ENPP1: variants seen among roughly 807,000 people sequenced by gnomAD.
ENPP1 encodes the protein ectonucleotide pyrophosphatase/phosphodiesterase family member 1.
A neutral mutation model predicts 122.8 loss-of-function variants in ENPP1; 73 were observed. The observed-to-expected ratio is 0.59, with a 90% confidence interval of 0.49 to 0.72. ENPP1 has a LOEUF of 0.72. Ranked by LOEUF, ENPP1 falls within the 30% of genes least tolerant of loss-of-function variation. The probability of loss-of-function intolerance (pLI) is 0.00; values close to 1 mark genes in which losing one functional copy is unlikely to be tolerated. For missense variants in ENPP1, 978 were observed against 1,128.1 expected (o/e 0.87, Z 1.91); for synonymous variants, 367 against 391.6 (o/e 0.94, Z 0.74).
rs557182349 is a variant in ENPP1 at position 131,869,235 on chromosome 6, A to G, written c.1274-123A>G. 9.9e-4 allele frequency: 868 copies of G among 878,648 alleles called. 14 individuals carry two copies. In the South Asian group the frequency reaches 0.012, roughly 12 times the overall value. 54.4% of individuals were successfully genotyped at this position (878,648 alleles called of 1,614,324 possible). On this transcript the variant is annotated intron_variant, in intron 12 of 24. Transcript: ENST00000647893. The stretch of plus-strand genomic sequence containing the variant: ...TTCTGTCTTACCTATCAGATCTTCA[A>G]CTAATATGAGTGCTACACCCATGTT...
rs1433238015 is a variant in ENPP1 at position 131,893,406 on chromosome 6, T to C, written c.*2895T>C. 1 of 152,256 alleles carries C rather than the reference T, an allele frequency of 6.6e-6. No homozygotes were observed. The highest frequency in any genetic ancestry group is 1.5e-5 in the Non-Finnish European group (1 of 68,060). The allele number at this position is 152,256 out of a possible 1,614,324, so 9.4% of individuals were successfully genotyped here. A position where few individuals can be genotyped will look rare whatever the true frequency, so the allele number is the denominator to read the frequency against. On this transcript the variant is annotated 3_prime_UTR_variant, in exon 25 of 25. Coordinates refer to ENST00000647893, the MANE Select transcript of ENPP1 (RefSeq NM_006208.3). ...AGAGACACTGGATGCTTCTTGGTAG[T>C]AGAGGCAGTGGCTTCCCAGCCTTGG...
intron 1 of ENPP1, among the ~76,000 whole-genome samples, chr6:131,815,797 C>T (rs572220141): frequency 5.3e-5 from 8 of 151,720 alleles, no homozygotes; most frequent in South Asian, 2.1e-4. Flanking sequence ...GTCTGCCTCC[C>T]GGGTTCAAGT....
chr6:131,872,885 G>A (rs1398636814), intron 14 of ENPP1, 38 bp from the exon 15 acceptor site: 1 of 1,608,560 alleles, frequency 6.2e-7, no homozygotes, highest in Admixed American at 1.7e-5. Context: ...TTAGATATTA[G>A]GGAAATAATA....
chr6:131,883,707 T>G lies in ENPP1; in HGVS notation c.2244T>G (p.Asn748Lys). The change falls in exon 22 of 25, where the codon AAT (asparagine) becomes AAG (lysine). Residue 748 changes from asparagine (N) to lysine (K), a missense_variant. Asn to Lys is a moderately conservative substitution (Grantham distance 94). Coordinates refer to ENST00000647893, the MANE Select transcript of ENPP1 (RefSeq NM_006208.3). Reference protein sequence around the residue: ...GFLSPPQLNKNSSGIYSEALL... With the variant: ...GFLSPPQLNKKSSGIYSEALL... ...TTCTCTTTGTAGAACTAAATAAAAA[T>G]TCAAGTGGAATATATTCTGAAGCTT... The G allele has an allele frequency of 6.9e-7, 1 of 1,459,192 alleles. No individual in the cohort carries two copies. The highest frequency in any genetic ancestry group is 9.6e-7 in the Non-Finnish European group (1 of 1,039,940). The allele number at this position is 1,459,192 out of a possible 1,614,324, so 90.4% of individuals were successfully genotyped here.
intron 5 of ENPP1, 64 bp from the exon 6 acceptor site, chr6:131,854,862 A>G (rs962049279): frequency 9.8e-6 from 11 of 1,123,354 alleles, no homozygotes; most frequent in Non-Finnish European, 1.4e-5. Context: ...AAGGGGGTAC[A>G]TCTTCATTGG....
chr6:131,867,462 T>C (rs1395579761), intron 11 of ENPP1, among the ~76,000 whole-genome samples: 1 of 152,340 alleles, frequency 6.6e-6, no homozygotes, highest in East Asian at 1.9e-4. Context: ...TATATTCCTA[T>C]GAGTTCTAAT....
intron 1 of ENPP1, among the ~76,000 whole-genome samples, chr6:131,845,043 G>GTTTTTTTTTT (rs142380855): frequency 7.1e-5 from 6 of 84,986 alleles, no homozygotes; most frequent in African/African-American, 1.5e-4. Context: ...ATTCTTCATG[G>GTTTTTTTTTT]TTTTTTTTTT....
intron 20 of ENPP1, 99 bp from the exon 21 acceptor site, chr6:131,882,246 C>A: frequency 1.0e-6 from 1 of 997,998 alleles, no homozygotes; most frequent in Non-Finnish European, 1.5e-6. Flanking sequence ...ACAGCTAGAG[C>A]TTCATAATTT....
intron 24 of ENPP1, among the ~76,000 whole-genome samples, chr6:131,890,135 T>G (rs1782447208): frequency 6.6e-6 from 1 of 152,180 alleles, no homozygotes; most frequent in Non-Finnish European, 1.5e-5. Flanking sequence ...TTCCCCAAAC[T>G]TGAAGCATCT....
intron 6 of ENPP1, among the ~76,000 whole-genome samples, chr6:131,858,129 C>T (rs1016999287): frequency 6.6e-6 from 1 of 152,060 alleles, no homozygotes; most frequent in African/African-American, 2.4e-5. Flanking sequence ...GAATGAGGCA[C>T]CAGAACTAGA....
At chr6:131,886,524 T>C in intron 23 of ENPP1, 38 bp from the exon 24 acceptor site, 1 of 1,471,040 alleles carries the variant, frequency 6.8e-7, no homozygotes, top group Non-Finnish European at 9.5e-7. Context: ...GGAAGATAGT[T>C]ATTTCTTTCT....
At chr6:131,832,790 T>G (rs537825389) in intron 1 of ENPP1, among the ~76,000 whole-genome samples, 15 of 152,308 alleles carry the variant, frequency 9.8e-5, no homozygotes, top group African/African-American at 3.6e-4. Context: ...GTGGTCTCTG[T>G]GCACGGAATG....
At chr6:131,871,377 T>G (rs1782160398) in intron 13 of ENPP1, among the ~76,000 whole-genome samples, 1 of 152,196 alleles carries the variant, frequency 6.6e-6, no homozygotes. Flanking sequence ...AATGCAGTTT[T>G]TAAACTAGTC....
intron 1 of ENPP1, among the ~76,000 whole-genome samples, chr6:131,834,679 T>G (rs1432559367): frequency 6.6e-6 from 1 of 151,848 alleles, no homozygotes; most frequent in African/African-American, 2.4e-5. Context: ...TACAGGCGTG[T>G]GCCACTACGC....
At chr6:131,830,777 G>A (rs1781600582) in intron 1 of ENPP1, among the ~76,000 whole-genome samples, 1 of 151,938 alleles carries the variant, frequency 6.6e-6, no homozygotes, top group Non-Finnish European at 1.5e-5. Flanking sequence ...AGTTATATAT[G>A]TATATGGGTT....
intron 24 of ENPP1, among the ~76,000 whole-genome samples, chr6:131,887,930 G>A (rs1376310859): frequency 6.4e-5 from 9 of 139,876 alleles, no homozygotes; most frequent in African/African-American, 1.9e-4. Flanking sequence ...GCGTGATCTC[G>A]GCTCCCTGCA....
chr6:131,838,200 A>T (rs901931056), intron 1 of ENPP1, among the ~76,000 whole-genome samples: 3 of 152,200 alleles, frequency 2.0e-5, no homozygotes, highest in African/African-American at 7.2e-5. Flanking sequence ...CTTCAAAAGG[A>T]TGATAGTCTG....
chr6:131,852,492 T>C (rs563549352), intron 5 of ENPP1, among the ~76,000 whole-genome samples: 3 of 152,294 alleles, frequency 2.0e-5, no homozygotes, highest in African/African-American at 7.2e-5. Context: ...GCATTTCCTT[T>C]GAGCATCATG....
intron 1 of ENPP1, among the ~76,000 whole-genome samples, chr6:131,841,273 C>G (rs1249951950): frequency 6.6e-6 from 1 of 152,188 alleles, no homozygotes; most frequent in Non-Finnish European, 1.5e-5. Flanking sequence ...TCCCCATCCT[C>G]CAGCAAACGA....
Sources: gnomAD v4.1 joint callset for allele counts (sites outside exome capture counted in the v4.1 genomes callset) on GRCh38, gnomAD v4.1.1 for gene constraint, MANE v1.5 for transcripts, NCBI Gene and HGNC (gene_info 2026-07-23, HGNC 2026-07-21) for gene names.